The following FHOD3 variants were observed in gnomAD, a reference collection of about 807,000 sequenced individuals.
FHOD3 encodes the protein FH1/FH2 domain-containing protein 3.
Under a neutral mutation model 173.0 loss-of-function variants are expected in FHOD3, and 90 were observed. The ratio of observed to expected loss-of-function variants is 0.52; its 90% confidence interval spans 0.44 to 0.62. FHOD3 has a LOEUF of 0.62. FHOD3 is among the 20% of genes least tolerant of loss of function. The pLI, the probability that FHOD3 is intolerant of heterozygous loss-of-function variation, is 0.00. For missense variants in FHOD3, 1,945 were observed against 2,034.7 expected (o/e 0.96, Z 0.85); for synonymous variants, 828 against 823.0 (o/e 1.01, Z -0.10).
intron 11 of FHOD3, among the ~76,000 whole-genome samples, chr18:36,651,974 C>T (rs747376199): frequency 3.3e-5 from 5 of 152,110 alleles, no homozygotes; most frequent in African/African-American, 9.7e-5. Flanking sequence ...AAGTATGAAA[C>T]GGGCAAAATT....
intron 3 of FHOD3, among the ~76,000 whole-genome samples, chr18:36,500,009 A>G (rs1454255695): frequency 6.6e-6 from 1 of 152,116 alleles, no homozygotes; most frequent in Non-Finnish European, 1.5e-5. Context: ...TAGCAGCAAT[A>G]TGTATTAAGT....
chr18:36,551,337 T>C (rs1334656992), intron 5 of FHOD3, among the ~76,000 whole-genome samples: 1 of 152,186 alleles, frequency 6.6e-6, no homozygotes, highest in African/African-American at 2.4e-5. Context: ...AGTTTTCTTT[T>C]CTCTAATATC....
At chr18:36,571,478 TC>T (rs2058450607) in intron 5 of FHOD3, among the ~76,000 whole-genome samples, 1 of 152,234 alleles carries the variant, frequency 6.6e-6, no homozygotes, top group Admixed American at 6.5e-5. Flanking sequence ...TAACATTATT[TC>T]CAGAAAGATT....
chr18:36,349,357 G>A (rs2046011888), intron 1 of FHOD3, among the ~76,000 whole-genome samples: 2 of 152,184 alleles, frequency 1.3e-5, no homozygotes. Context: ...CAGGAGTAGA[G>A]GAAGAATCTA....
intron 1 of FHOD3, among the ~76,000 whole-genome samples, chr18:36,311,794 C>T (rs1299518714): frequency 3.3e-5 from 5 of 152,206 alleles, no homozygotes; most frequent in African/African-American, 9.6e-5. Flanking sequence ...CCTGCACCCA[C>T]GTGCCCTGCT....
At chr18:36,376,632 T>G (rs944861631) in intron 3 of FHOD3, among the ~76,000 whole-genome samples, 3 of 152,074 alleles carry the variant, frequency 2.0e-5, no homozygotes, top group African/African-American at 7.2e-5. Context: ...ACTCAGATGG[T>G]CAAGTCACAG....
chr18:36,405,431 T>A (rs563281391), intron 3 of FHOD3, among the ~76,000 whole-genome samples: 2 of 152,370 alleles, frequency 1.3e-5, no homozygotes, highest in East Asian at 3.9e-4. Context: ...CCACTTTCTT[T>A]GGAGGTAGAG....
chr18:36,424,841 C>T (rs991783465), intron 3 of FHOD3, among the ~76,000 whole-genome samples: 1 of 152,146 alleles, frequency 6.6e-6, no homozygotes, highest in South Asian at 2.1e-4. Flanking sequence ...TGAAATCATC[C>T]CTTTGTTCAG....
At chr18:36,694,744 G>C (rs2039162198) in intron 17 of FHOD3, among the ~76,000 whole-genome samples, 1 of 152,206 alleles carries the variant, frequency 6.6e-6, no homozygotes, top group Non-Finnish European at 1.5e-5. Flanking sequence ...GTACAGAACA[G>C]CTCCGAGCTG....
At chr18:36,322,824 A>T (rs2044468456) in intron 1 of FHOD3, among the ~76,000 whole-genome samples, 1 of 152,060 alleles carries the variant, frequency 6.6e-6, no homozygotes, top group South Asian at 2.1e-4. Flanking sequence ...TGATAGGGTC[A>T]TCCTCGTCTT....
rs948283353 is a variant in FHOD3 at position 36,590,950 on chromosome 18, G to C, written c.607-3837G>C. 9.8e-5 allele frequency among the ~76,000 whole-genome samples: 15 copies of C among 152,308 alleles called. 1 individual carries two copies. In the Middle Eastern group the frequency reaches 0.014, roughly 138 times the overall value. On this transcript the variant is annotated intron_variant, in intron 6 of 28. Transcript: ENST00000590592. ...GAGGTGGGCTAAGGGGCCTTGCTGAGACCAGCTAATGGGGGGAGTGGGTTG... is the reference window on the plus strand; with the variant it reads ...GAGGTGGGCTAAGGGGCCTTGCTGACACCAGCTAATGGGGGGAGTGGGTTG...
chr18:36,374,784 G>A (rs946168430), intron 3 of FHOD3, among the ~76,000 whole-genome samples: 28 of 152,298 alleles, frequency 1.8e-4, no homozygotes, highest in African/African-American at 4.6e-4. Context: ...CAGGTAGACC[G>A]GCATGTTTTG....
chr18:36,325,686 T>C (rs563314813), intron 1 of FHOD3, among the ~76,000 whole-genome samples: 53 of 151,390 alleles, frequency 3.5e-4, no homozygotes, highest in Non-Finnish European at 6.2e-4. Flanking sequence ...TTTTCCTCTC[T>C]CTTTCTCCTT....
chr18:36,668,464 A>G (rs1303042377), intron 14 of FHOD3, among the ~76,000 whole-genome samples: 1 of 151,912 alleles, frequency 6.6e-6, no homozygotes, highest in African/African-American at 2.4e-5. Context: ...ACCACAAAGA[A>G]CCAGTTTTTG....
chr18:36,337,133 C>G lies in FHOD3; in HGVS notation c.166-18406C>G, dbSNP rs180798198. ...GTTGCAGTGAGCTGAGATTGTGCCA[C>G]TGCACTCCAGCCTGGGTGAAAGAGT... is the stretch of plus-strand genomic sequence containing the variant. On this transcript the variant is annotated intron_variant, in intron 1 of 28. Transcript: ENST00000590592. 2.0e-3 allele frequency among the ~76,000 whole-genome samples: 285 copies of G among 145,950 alleles called. 1 individual carries two copies. Among genetic ancestry groups the G allele is most frequent in the Non-Finnish European group, 3.7e-4 (25 of 67,012 alleles).
intron 3 of FHOD3, among the ~76,000 whole-genome samples, chr18:36,459,406 C>G (rs2052419114): frequency 6.6e-6 from 1 of 152,196 alleles, no homozygotes; most frequent in Admixed American, 6.5e-5. Context: ...TGCTCACACC[C>G]AGAGCTTAGA....
intron 15 of FHOD3, among the ~76,000 whole-genome samples, chr18:36,683,389 T>C (rs946770324): frequency 6.6e-6 from 1 of 152,202 alleles, no homozygotes; most frequent in Non-Finnish European, 1.5e-5. Context: ...AAAATGGAAT[T>C]CATTCACTCC....
At chr18:36,473,243 G>T (rs560757358) in intron 3 of FHOD3, among the ~76,000 whole-genome samples, 1 of 152,242 alleles carries the variant, frequency 6.6e-6, no homozygotes, top group East Asian at 1.9e-4. Flanking sequence ...GTGAAACCCT[G>T]TCTCTACTAA....
chr18:36,543,787 A>G (rs1050068143), intron 5 of FHOD3, among the ~76,000 whole-genome samples: 1 of 152,204 alleles, frequency 6.6e-6, no homozygotes, highest in African/African-American at 2.4e-5. Context: ...ATTTGGTACT[A>G]CTGCCAGTGC....
Sources: allele counts gnomAD v4.1 joint callset (sites outside exome capture counted in the v4.1 genomes callset), GRCh38; gene constraint gnomAD v4.1.1; transcripts MANE v1.5; gene names NCBI Gene and HGNC (gene_info 2026-07-23, HGNC 2026-07-21).